Variants in ANO5 observed in about 807,000 individuals in gnomAD.
The protein encoded by ANO5 is anoctamin-5.
ANO5 carries 109 observed loss-of-function variants against 121.0 expected under a neutral mutation model. The ratio of observed to expected loss-of-function variants is 0.90; its 90% confidence interval spans 0.77 to 1.06. ANO5 has a LOEUF of 1.06. ANO5 is among the 50% of genes least tolerant of loss of function. The pLI, the probability that ANO5 is intolerant of heterozygous loss-of-function variation, is 0.00. For synonymous variants in ANO5, 406 were observed against 359.9 expected (o/e 1.13, Z -1.45); for missense variants, 1,064 against 1,078.5 (o/e 0.99, Z 0.19).
chr11:22,252,029 CAAAAAAAAAAAAAAA>C (rs10525160), intron 12 of ANO5, among the ~76,000 whole-genome samples: 20 of 45,858 alleles, frequency 4.4e-4, no homozygotes, highest in African/African-American at 1.1e-3. Context: ...GACGCCGTCT[CAAAAAAAAAAAAAAA>C]AAAAAAAAAA....
intron 18 of ANO5, among the ~76,000 whole-genome samples, chr11:22,272,302 GCACACACACACACACACACACACACACA>G (rs60487083): frequency 7.4e-6 from 1 of 134,486 alleles, no homozygotes; most frequent in Non-Finnish European, 1.6e-5. Flanking sequence ...TCCTTTTCCG[GCACACACACACACACACACACACACACA>G]CACACACACA....
chr11:22,208,896 C>T (rs1055441667), intron 2 of ANO5, among the ~76,000 whole-genome samples: 1 of 151,862 alleles, frequency 6.6e-6, no homozygotes, highest in Non-Finnish European at 1.5e-5. Context: ...GCAATAAAAA[C>T]AGGCTCTACA....
Position 22,221,340 on chromosome 11 carries a change from G to T in ANO5, c.294+130G>T. Reference sequence around the variant, plus strand: ...GTGTTACTGAAAACTGAAACTGAATGAGATAACTGTAAAGTAGGCAGCCTA... The same window carrying T: ...GTGTTACTGAAAACTGAAACTGAATTAGATAACTGTAAAGTAGGCAGCCTA... On this transcript the variant is annotated intron_variant, in intron 5 of 21. Coordinates refer to ENST00000324559, the MANE Select transcript of ANO5 (RefSeq NM_213599.3). The T allele has an allele frequency of 1.3e-5, 10 of 778,204 alleles. No individual in the cohort carries two copies. The South Asian group carries it at 1.5e-4, about 12-fold the overall frequency. 48.2% of individuals were successfully genotyped at this position (778,204 alleles called of 1,614,324 possible). A position where few individuals can be genotyped will look rare whatever the true frequency, so the allele number is the denominator to read the frequency against.
chr11:22,199,835 G>C (rs897129617), intron 1 of ANO5, among the ~76,000 whole-genome samples: 2 of 152,034 alleles, frequency 1.3e-5, no homozygotes, highest in African/African-American at 4.8e-5. Context: ...GAAAGTTTTT[G>C]AATAATTATG....
chr11:22,250,712 GTT>G (rs1451621956), intron 10 of ANO5, 27 bp from the exon 11 acceptor site: 1 of 1,600,004 alleles, frequency 6.2e-7, no homozygotes, highest in East Asian at 2.2e-5. Context: ...ACCTATCACT[GTT>G]CAATAACTTT....
At chr11:22,208,271 A>ACT (rs1396812248) in intron 2 of ANO5, among the ~76,000 whole-genome samples, 1 of 152,066 alleles carries the variant, frequency 6.6e-6, no homozygotes, top group African/African-American at 2.4e-5. Context: ...CGAAAGTGGA[A>ACT]ACAACCTAAG....
Position 22,226,021 on chromosome 11 carries a change from C to T in ANO5, c.332C>T (p.Thr111Ile). The stretch of plus-strand genomic sequence containing the variant: ...GAGTTTGAAACTAATCTCAGAAAAA[C>T]AGGTCTTGAGTTGGAAATAGAAGAC... ...RKEFETNLRKTGLELEIEDKR... is the reference protein window; with the variant it reads ...RKEFETNLRKIGLELEIEDKR... Residue 111 changes from threonine to isoleucine, a missense_variant, in exon 6 of 22, where the codon ACA (threonine) becomes ATA (isoleucine). By Grantham distance (89) the Thr-to-Ile change is moderately conservative. Transcript: ENST00000324559. 1 of 1,608,630 alleles carries T rather than the reference C, an allele frequency of 6.2e-7. No homozygotes were observed. Among genetic ancestry groups the T allele is most frequent in the Non-Finnish European group, 8.5e-7 (1 of 1,175,632 alleles).
At chr11:22,225,927 C>T (rs912437906) in intron 5 of ANO5, 57 bp from the exon 6 acceptor site, 11 of 1,357,270 alleles carry the variant, frequency 8.1e-6, no homozygotes, top group Non-Finnish European at 8.4e-6. Context: ...TCTGTCAATA[C>T]TGAGCAAATA....
intron 3 of ANO5, among the ~76,000 whole-genome samples, chr11:22,214,749 C>T (rs1852385536): frequency 6.6e-6 from 1 of 151,852 alleles, no homozygotes; most frequent in Admixed American, 6.6e-5. Context: ...CTTTGGTTAC[C>T]TGCACAGGAC....
intron 2 of ANO5, among the ~76,000 whole-genome samples, chr11:22,204,145 T>C (rs1003474347): frequency 2.0e-5 from 3 of 152,118 alleles, no homozygotes; most frequent in African/African-American, 7.2e-5. Context: ...CTTAACATTT[T>C]GCTATAATAT....
intron 17 of ANO5, among the ~76,000 whole-genome samples, chr11:22,266,189 G>T (rs985433205): frequency 6.6e-6 from 1 of 152,154 alleles, no homozygotes; most frequent in Admixed American, 6.5e-5. Context: ...TGGATGTGGG[G>T]ATTGAAGAAT....
At chr11:22,215,668 A>G (rs758556511) in intron 3 of ANO5, among the ~76,000 whole-genome samples, 22 of 151,972 alleles carry the variant, frequency 1.4e-4, no homozygotes, top group Non-Finnish European at 2.9e-4. Context: ...TGCTCACATC[A>G]GAAATTTATG....
chr11:22,210,883 C>T (rs550452976), intron 2 of ANO5, among the ~76,000 whole-genome samples: 1 of 151,996 alleles, frequency 6.6e-6, no homozygotes, highest in South Asian at 2.1e-4. Context: ...CTTCAGGATG[C>T]AGCATCATAA....
intron 2 of ANO5, among the ~76,000 whole-genome samples, chr11:22,204,609 A>C (rs1208395770): frequency 6.6e-6 from 1 of 152,108 alleles, no homozygotes; most frequent in African/African-American, 2.4e-5. Flanking sequence ...GGATAAGCTC[A>C]TTAAGATTCC....
At chr11:22,278,328 A>T (rs965683382) in intron 21 of ANO5, among the ~76,000 whole-genome samples, 2 of 151,754 alleles carry the variant, frequency 1.3e-5, no homozygotes, top group Admixed American at 6.6e-5. Context: ...ATTTGCTGGC[A>T]TAATTTCTTT....
chr11:22,205,914 A>G (rs1057346681), intron 2 of ANO5, among the ~76,000 whole-genome samples: 2 of 152,140 alleles, frequency 1.3e-5, no homozygotes, highest in Non-Finnish European at 2.9e-5. Context: ...TAATCCACTC[A>G]ACGTTAAAAC....
At chr11:22,271,050 G>A (rs999189619) in intron 18 of ANO5, among the ~76,000 whole-genome samples, 3 of 151,904 alleles carry the variant, frequency 2.0e-5, no homozygotes, top group South Asian at 4.1e-4. Context: ...TGTTTCTCTC[G>A]CAGAATTAAG....
rs762319340 is a variant in ANO5, at chr11:22,250,344, T to G, written c.986T>G (p.Leu329Ter). The part of the protein sequence containing the change: ...VVGLACFIYG[L>*]LSMEHNTSST... ...GGCTTAGCTTGTTTTATTTATGGCT[T>G]ATTATCAATGGAACATAACACAAGC... The change falls in exon 10 of 22, where the codon TTA becomes TGA. Residue 329 changes from leucine to a stop codon, truncating the protein, a stop_gained. Coordinates refer to ENST00000324559, the MANE Select transcript of ANO5 (RefSeq NM_213599.3). LOFTEE classifies it high-confidence loss of function. 1.9e-6 allele frequency: 3 copies of G among 1,613,566 alleles called. No individual in the cohort carries two copies. The highest frequency in any genetic ancestry group is 3.3e-4 in the Middle Eastern group (2 of 6,056).
At chr11:22,221,048 T>G (rs761601016) in intron 4 of ANO5, 49 bp from the exon 5 acceptor site, 1 of 1,372,012 alleles carries the variant, frequency 7.3e-7, no homozygotes, top group Non-Finnish European at 1.0e-6. Context: ...CTTTTGCCAT[T>G]TCAGAATAAA....
Sources: allele counts gnomAD v4.1 joint callset (sites outside exome capture counted in the v4.1 genomes callset), GRCh38; gene constraint gnomAD v4.1.1; transcripts MANE v1.5; gene names NCBI Gene and HGNC (gene_info 2026-07-23, HGNC 2026-07-21).